PSMA1: variants seen among roughly 807,000 people sequenced by gnomAD.
The protein encoded by PSMA1 is proteasome subunit alpha type-1.
In PSMA1, 3 loss-of-function variants were observed where a neutral mutation model predicts 38.4. The observed-to-expected ratio is 0.08, with a 90% CI of 0.04 to 0.20. The LOEUF is 0.20. Among genes scored for constraint, PSMA1 ranks in the 10% least tolerant of loss-of-function variants. PSMA1 has a pLI of 1.00. For missense variants in PSMA1, 227 were observed against 325.3 expected (o/e 0.70, Z 2.32); for synonymous variants, 101 against 107.1 (o/e 0.94, Z 0.35).
chr11:14,521,405 T>A (rs1305576994), upstream of PSMA1, among the ~76,000 whole-genome samples: 2 of 149,336 alleles, frequency 1.3e-5, no homozygotes, highest in East Asian at 2.0e-4. Flanking sequence ...TGTGGGAGGA[T>A]CTCTTGAGCC....
intron 1 of PSMA1, among the ~76,000 whole-genome samples, chr11:14,632,779 T>A (rs1259422822): frequency 1.3e-5 from 2 of 151,582 alleles, no homozygotes; most frequent in Admixed American, 1.3e-4. Context: ...CTTGGTTCCA[T>A]TCTCCCCATC....
chr11:14,520,670 T>A (rs1210933674), upstream of PSMA1: 1 of 386,414 alleles, frequency 2.6e-6, no homozygotes, highest in Non-Finnish European at 4.7e-6. Context: ...GTCGTCCGAG[T>A]CAACAGCCGT....
chr11:14,592,014 A>AT (rs1852421951), intron 2 of PSMA1, among the ~76,000 whole-genome samples: 1 of 152,002 alleles, frequency 6.6e-6, no homozygotes, highest in Non-Finnish European at 1.5e-5. Context: ...CGAGACCATG[A>AT]GCCCACCGGG....
chr11:14,578,502 A>C (rs1441193194), intron 2 of PSMA1, among the ~76,000 whole-genome samples: 2 of 152,242 alleles, frequency 1.3e-5, no homozygotes. Flanking sequence ...TAGGAAGAAG[A>C]CTAACTGATT....
chr11:14,521,506 C>T (rs901270474), upstream of PSMA1, among the ~76,000 whole-genome samples: 19 of 142,766 alleles, frequency 1.3e-4, no homozygotes, highest in Middle Eastern at 3.5e-3. Context: ...AAAAAAAAAG[C>T]CGGGCGCGGT....
chr11:14,508,791 G>C (rs940786109), intron 8 of PSMA1, among the ~76,000 whole-genome samples: 2 of 152,082 alleles, frequency 1.3e-5, no homozygotes, highest in Non-Finnish European at 2.9e-5. Flanking sequence ...CATTAAGCCT[G>C]TTTTGTCAGG....
intron 2 of PSMA1, among the ~76,000 whole-genome samples, chr11:14,562,073 A>G (rs1193114457): frequency 6.6e-6 from 1 of 152,202 alleles, no homozygotes; most frequent in Non-Finnish European, 1.5e-5. Context: ...TTCTACCTTT[A>G]AGACTGGGAG....
chr11:14,518,191 T>C (rs549649491), intron 2 of PSMA1, among the ~76,000 whole-genome samples: 7 of 151,680 alleles, frequency 4.6e-5, no homozygotes, highest in African/African-American at 1.7e-4. Context: ...AACCTCTGCC[T>C]CCTAGGCTCA....
At position 14,551,554 on chromosome 11, in the gene PSMA1, T is replaced by C. The variant is rs143509603; in HGVS notation, c.22-32513A>G. Among the ~76,000 whole-genome samples, 514 of 152,284 alleles carry C rather than the reference T, an allele frequency of 3.4e-3. 3 individuals are homozygous for C. Among genetic ancestry groups the C allele is most frequent in the African/African-American group, 0.012 (497 of 41,548 alleles). ...CCAGCCAGCCAAATGCCTCTGACGA[T>C]TGCAGCTCCACAGACAAGGACATTT... is the stretch of plus-strand genomic sequence containing the variant. On this transcript the variant is annotated intron_variant, in intron 2 of 10. Coordinates refer to the PSMA1 transcript ENST00000418988.
chr11:14,589,881 C>T (rs1398286109), intron 2 of PSMA1, among the ~76,000 whole-genome samples: 3 of 152,108 alleles, frequency 2.0e-5, no homozygotes, highest in African/African-American at 7.2e-5. Context: ...AGGGAGTAAA[C>T]AAGATTGAGC....
upstream of PSMA1, among the ~76,000 whole-genome samples, chr11:14,523,564 A>G (rs1851552758): frequency 1.4e-5 from 2 of 144,984 alleles, no homozygotes; most frequent in Non-Finnish European, 3.0e-5. Context: ...GAGCCACCAT[A>G]CTCAGCTCCT....
At chr11:14,552,833 T>G (rs1451093308) in intron 2 of PSMA1, among the ~76,000 whole-genome samples, 8 of 150,298 alleles carry the variant, frequency 5.3e-5, no homozygotes, top group Non-Finnish European at 1.0e-4. Context: ...TTTTTTTTTT[T>G]TTTTTTTTGA....
At chr11:14,562,323 T>A (rs925890688) in intron 2 of PSMA1, among the ~76,000 whole-genome samples, 1 of 152,210 alleles carries the variant, frequency 6.6e-6, no homozygotes, top group Admixed American at 6.5e-5. Flanking sequence ...TAGCTTTTTT[T>A]CCCCCTTGTA....
chr11:14,623,470 A>T (rs1852873775), intron 1 of PSMA1, among the ~76,000 whole-genome samples: 1 of 152,192 alleles, frequency 6.6e-6, no homozygotes, highest in Non-Finnish European at 1.5e-5. Flanking sequence ...GTATATATAG[A>T]CTTGGGAAAT....
chr11:14,611,012 G>C (rs763999592), exon 2 of PSMA1: 1 of 1,610,044 alleles, frequency 6.2e-7, no homozygotes, highest in South Asian at 1.1e-5. Context: ...CAGTCACCTA[G>C]TAGACCAACA....
rs1388432740 is a variant in PSMA1, at chr11:14,505,145, C to G, written c.*47G>C. The G allele has an allele frequency of 2.0e-6, 3 of 1,474,900 alleles. No individual in the cohort carries two copies. Among genetic ancestry groups the G allele is most frequent in the Admixed American group, 3.3e-5 (2 of 59,870 alleles). 91.4% of individuals were successfully genotyped at this position (1,474,900 alleles called of 1,614,324 possible). ...GATTATTGTCATCAGTATGTGGTGC[C>G]TGTATTCTTACATATTTGATAATAC... On this transcript the variant is annotated 3_prime_UTR_variant, in exon 10 of 10. Coordinates refer to ENST00000396394, the MANE Select transcript of PSMA1 (RefSeq NM_002786.4).
At chr11:14,619,177 G>A (rs1473838428) in intron 1 of PSMA1, among the ~76,000 whole-genome samples, 1 of 152,048 alleles carries the variant, frequency 6.6e-6, no homozygotes, top group Non-Finnish European at 1.5e-5. Context: ...GGCTGGGCAT[G>A]GCAGCTCACG....
At chr11:14,629,903 G>C (rs375766293) in intron 1 of PSMA1, among the ~76,000 whole-genome samples, 11 of 152,150 alleles carry the variant, frequency 7.2e-5, no homozygotes, top group Admixed American at 2.0e-4. Context: ...AAGTTGGATT[G>C]CTAGGTATTT....
chr11:14,551,329 A>G (rs1023485445), intron 2 of PSMA1, among the ~76,000 whole-genome samples: 2 of 152,200 alleles, frequency 1.3e-5, no homozygotes, highest in Non-Finnish European at 2.9e-5. Flanking sequence ...TGGCTTTCAG[A>G]GTTCAAATTT....
Sources: allele counts gnomAD v4.1 joint callset (sites outside exome capture counted in the v4.1 genomes callset), GRCh38; gene constraint gnomAD v4.1.1; transcripts MANE v1.5; gene names NCBI Gene and HGNC (gene_info 2026-07-23, HGNC 2026-07-21).